The following ERC1 variants were observed in gnomAD, a reference collection of about 807,000 sequenced individuals.
The protein encoded by ERC1 is ELKS/RAB6-interacting/CAST family member 1.
ERC1 carries 56 observed loss-of-function variants against 132.0 expected under a neutral mutation model. The observed-to-expected ratio is 0.42, with a 90% CI of 0.34 to 0.53. The LOEUF (loss-of-function observed/expected upper bound fraction) is 0.53. ERC1 is among the 20% of genes least tolerant of loss of function. The pLI, the probability that ERC1 is intolerant of heterozygous loss-of-function variation, is 0.03. For missense variants in ERC1, 1,202 were observed against 1,349.9 expected (o/e 0.89, Z 1.72); for synonymous variants, 478 against 476.1 (o/e 1.00, Z -0.05).
At chr12:1,017,126 A>G in intron 1 of ERC1, among the ~76,000 whole-genome samples, 1 of 152,024 alleles carries the variant, frequency 6.6e-6, no homozygotes, top group East Asian at 1.9e-4. Context: ...CCTCCTGAGT[A>G]GCTGGGGTTA....
intron 12 of ERC1, among the ~76,000 whole-genome samples, chr12:1,211,950 T>C (rs536513223): frequency 6.6e-6 from 1 of 152,146 alleles, no homozygotes; most frequent in East Asian, 1.9e-4. Context: ...CAATTAAATA[T>C]AAACCATAGT....
chr12:1,263,967 G>A (rs989991266), intron 14 of ERC1, among the ~76,000 whole-genome samples: 4 of 151,960 alleles, frequency 2.6e-5, no homozygotes, highest in Admixed American at 2.6e-4. Flanking sequence ...TGGGATTACA[G>A]GCGTGAGCCA....
At chr12:1,292,543 A>G (rs1020392308) in intron 15 of ERC1, among the ~76,000 whole-genome samples, 5 of 152,238 alleles carry the variant, frequency 3.3e-5, no homozygotes, top group African/African-American at 7.2e-5. Flanking sequence ...GAGAAATCCA[A>G]ATATCTCTGT....
At chr12:1,035,687 C>G (rs940379938) in intron 2 of ERC1, among the ~76,000 whole-genome samples, 1 of 152,072 alleles carries the variant, frequency 6.6e-6, no homozygotes. Flanking sequence ...CTTTGGGAGG[C>G]TGAGGTGGGC....
intron 12 of ERC1, among the ~76,000 whole-genome samples, 164 bp from the exon 13 acceptor site, chr12:1,236,605 A>G (rs1313906085): frequency 6.6e-6 from 1 of 152,206 alleles, no homozygotes; most frequent in Non-Finnish European, 1.5e-5. Context: ...CGAATGTGCT[A>G]CCATTGAGAG....
intron 12 of ERC1, among the ~76,000 whole-genome samples, chr12:1,235,186 G>T (rs931364856): frequency 6.6e-6 from 1 of 152,194 alleles, no homozygotes; most frequent in African/African-American, 2.4e-5. Context: ...AGGCAACATA[G>T]TGAAACCTCA....
chr12:1,307,389 T>C (rs1298231884), intron 15 of ERC1, among the ~76,000 whole-genome samples: 1 of 152,146 alleles, frequency 6.6e-6, no homozygotes, highest in Admixed American at 6.5e-5. Flanking sequence ...AGGTGTTTGT[T>C]GTTTATTAGT....
intron 7 of ERC1, among the ~76,000 whole-genome samples, chr12:1,126,830 A>G (rs901752150): frequency 6.6e-6 from 1 of 152,088 alleles, no homozygotes; most frequent in African/African-American, 2.4e-5. Context: ...TCTACTAAAA[A>G]TAAAAAAATT....
At chr12:1,316,496 ACATACT>A (rs1340898632) in intron 15 of ERC1, among the ~76,000 whole-genome samples, 2 of 152,302 alleles carry the variant, frequency 1.3e-5, no homozygotes, top group South Asian at 2.1e-4. Context: ...GAAACCAATG[ACATACT>A]CATATGAAAA....
intron 12 of ERC1, among the ~76,000 whole-genome samples, chr12:1,222,660 C>T (rs909926188): frequency 2.6e-5 from 4 of 152,034 alleles, no homozygotes; most frequent in Non-Finnish European, 5.9e-5. Context: ...ACACAAATAC[C>T]TTAGTGAAAT....
At chr12:1,010,301 T>C (rs984386094) in intron 1 of ERC1, among the ~76,000 whole-genome samples, 1 of 151,752 alleles carries the variant, frequency 6.6e-6, no homozygotes, top group Non-Finnish European at 1.5e-5. Flanking sequence ...GCCAACATGG[T>C]AAAAACTCAT....
chr12:1,103,636 C>T (rs1447389929), intron 3 of ERC1, among the ~76,000 whole-genome samples: 3 of 151,940 alleles, frequency 2.0e-5, no homozygotes, highest in South Asian at 2.1e-4. Context: ...GGCTTGAGAG[C>T]GAAAGGAAGG....
chr12:1,254,750 T>C (rs369837938), intron 13 of ERC1, among the ~76,000 whole-genome samples: 1 of 152,324 alleles, frequency 6.6e-6, no homozygotes, highest in Non-Finnish European at 1.5e-5. Flanking sequence ...TGACCTCAGG[T>C]GATCCACCCA....
In ERC1 at chr12:1,099,835, ATTTTTTTTTTTTT is replaced by A. The variant is rs779732035; in HGVS notation, c.1087-4895_1087-4883del. Among the ~76,000 whole-genome samples, 125 of 54,398 alleles carry A rather than the reference ATTTTTTTTTTTTT, an allele frequency of 2.3e-3. 1 individual carries two copies. The South Asian group carries it at 0.1, about 43-fold the overall frequency. The allele number at this position is 54,398 out of a possible 152,430, so 35.7% of individuals were successfully genotyped here. On this transcript the variant is annotated intron_variant, in intron 3 of 18. Transcript: ENST00000360905. ...AAGGATGAGCCTGCTTGAGACTTTG[ATTTTTTTTTTTTT>A]TTTTTTTTTTTTTTTTTTTGACAGA...
chr12:1,289,947 G>C lies in ERC1; in HGVS notation c.2715G>C (p.Lys905Asn). 6.2e-7 allele frequency: 1 copy of C among 1,614,094 alleles called. No individual in the cohort carries two copies. The highest frequency in any genetic ancestry group is 8.5e-7 in the Non-Finnish European group (1 of 1,179,964). The change falls in exon 15 of 19, where the codon AAG becomes AAC. Residue 905 changes from lysine (K) to asparagine (N), a missense_variant. By Grantham distance (94) the Lys-to-Asn change is moderately conservative. Coordinates refer to ENST00000360905, the MANE Select transcript of ERC1 (RefSeq NM_178040.4). ...LSSTQQSLAE[K>N]ETHLTNLRAE... ...CCACCCAGCAGTCTCTGGCAGAAAA[G>C]GAAACTCACTTGACTAATCTTCGGG...
intron 16 of ERC1, among the ~76,000 whole-genome samples, chr12:1,406,388 A>C (rs907661100): frequency 5.3e-5 from 8 of 152,208 alleles, no homozygotes; most frequent in African/African-American, 1.4e-4. Context: ...AACCTGTCAA[A>C]TTTTGACAGA....
At chr12:1,460,361 C>T (rs1019862316) in intron 18 of ERC1, among the ~76,000 whole-genome samples, 7 of 152,118 alleles carry the variant, frequency 4.6e-5, no homozygotes, top group Admixed American at 4.6e-4. Context: ...CAAGGTAACA[C>T]CCACAGGCAG....
intron 1 of ERC1, among the ~76,000 whole-genome samples, chr12:998,779 GCT>G (rs767993020): frequency 2.0e-5 from 3 of 151,464 alleles, no homozygotes; most frequent in African/African-American, 7.3e-5. Context: ...CCTTTGTAAA[GCT>G]CTCTCTTCTC....
In ERC1 at chr12:1,183,402, T is replaced by C. The variant is rs1210065326; in HGVS notation, c.2138T>C (p.Met713Thr). 6.3e-7 allele frequency: 1 copy of C among 1,575,086 alleles called. No homozygotes were observed. The highest frequency in any genetic ancestry group is 1.7e-5 in the Admixed American group (1 of 57,966). Residue 713 changes from methionine (M) to threonine (T), a missense_variant, in exon 11 of 19, where the codon ATG becomes ACG. Met to Thr is a moderately conservative substitution (Grantham distance 81). Transcript: ENST00000360905. ...CAGAAGAAGGAGGAGTGTCTGAAAA[T>C]GGAATCACAATTGAAAAAGGTTAAA... Reference protein sequence around the residue: ...LEQKKEECLKMESQLKKAHEA... With the variant: ...LEQKKEECLKTESQLKKAHEA...
Sources: allele counts gnomAD v4.1 joint callset (sites outside exome capture counted in the v4.1 genomes callset), GRCh38; gene constraint gnomAD v4.1.1; transcripts MANE v1.5; gene names NCBI Gene and HGNC (gene_info 2026-07-23, HGNC 2026-07-21).